Variants in EFR3A observed in about 807,000 individuals in gnomAD.
The protein encoded by EFR3A is protein EFR3 homolog A.
A neutral mutation model predicts 104.4 loss-of-function variants in EFR3A; 76 were observed. The ratio of observed to expected loss-of-function variants is 0.73; its 90% CI spans 0.60 to 0.88. The LOEUF is 0.88. Ranked by LOEUF, EFR3A falls within the 40% of genes least tolerant of loss-of-function variation. The pLI is 0.00. For synonymous variants in EFR3A, 330 were observed against 330.0 expected (o/e 1.00, Z 0.00); for missense variants, 985 against 1,012.5 (o/e 0.97, Z 0.37).
At chr8:131,917,293 T>C (rs897696873) in intron 1 of EFR3A, among the ~76,000 whole-genome samples, 7 of 152,350 alleles carry the variant, frequency 4.6e-5, no homozygotes, top group African/African-American at 1.4e-4. Flanking sequence ...TTTCCCCTTA[T>C]ACAGCGAATA....
Position 131,976,085 on chromosome 8 carries a change from G to T in EFR3A, c.1218G>T (p.Met406Ile), listed in dbSNP as rs1820311403. ...YQRSEIMMFI[M>I]GKVPVFGTST... ...GGTCAGAAATCATGATGTTCATTAT[G>T]GGGAAAGTACCTGTCTTTGGAACAT... The change falls in exon 11 of 23, where the codon ATG becomes ATT. Residue 406 changes from methionine to isoleucine, a missense_variant. Physicochemically the swap from Met to Ile is conservative, Grantham distance 10. Coordinates refer to ENST00000254624, the MANE Select transcript of EFR3A (RefSeq NM_015137.6). 1.2e-6 allele frequency: 2 copies of T among 1,607,328 alleles called. No individual in the cohort carries two copies. Among genetic ancestry groups the T allele is most frequent in the Non-Finnish European group, 1.7e-6 (2 of 1,176,464 alleles).
At position 131,987,609 on chromosome 8, in the gene EFR3A, T is replaced by C; in HGVS notation, c.1972T>C (p.Leu658=). ...PKSLEKHEKD[L]YFLTNKIAES... ...ATCTTTAGAGAAGCATGAAAAAGAT[T>C]TGTACTTTCTGACCAACAAGATTGC... The change falls in exon 18 of 23, where the codon TTG becomes CTG. Residue 658 remains leucine (L), a synonymous_variant. Coordinates refer to ENST00000254624, the MANE Select transcript of EFR3A (RefSeq NM_015137.6). 1 of 1,597,610 alleles carries C rather than the reference T, an allele frequency of 6.3e-7. No homozygotes were observed. Among genetic ancestry groups the C allele is most frequent in the South Asian group, 1.1e-5 (1 of 88,378 alleles).
At chr8:131,988,713 C>A (rs532567011) in intron 18 of EFR3A, among the ~76,000 whole-genome samples, 4 of 152,002 alleles carry the variant, frequency 2.6e-5, no homozygotes, top group Admixed American at 2.6e-4. Flanking sequence ...AAGCAAAAAA[C>A]CTCTTAAACC....
At position 131,904,303 on chromosome 8, in the gene EFR3A, C is replaced by A; in HGVS notation, c.-10C>A. Reference sequence around the variant, plus strand: ...GCCTCGGTGCGGCGGCGAGCGCGGTCGAGATCGCCATGCCTACCCGTGAGT... The same window carrying A: ...GCCTCGGTGCGGCGGCGAGCGCGGTAGAGATCGCCATGCCTACCCGTGAGT... On this transcript the variant is annotated 5_prime_UTR_variant, in exon 1 of 23. Coordinates refer to ENST00000254624, the MANE Select transcript of EFR3A (RefSeq NM_015137.6). 7.9e-7 allele frequency: 1 copy of A among 1,265,752 alleles called. No homozygotes were observed. The highest frequency in any genetic ancestry group is 1.0e-6 in the Non-Finnish European group (1 of 1,004,814). The allele number at this position is 1,265,752 out of a possible 1,614,324, so 78.4% of individuals were successfully genotyped here.
chr8:131,969,378 G>A (rs1323445555), intron 9 of EFR3A, among the ~76,000 whole-genome samples: 2 of 151,980 alleles, frequency 1.3e-5, no homozygotes, highest in African/African-American at 4.8e-5. Flanking sequence ...CTCAAATTCT[G>A]TATATAAAAT....
intron 10 of EFR3A, among the ~76,000 whole-genome samples, chr8:131,975,394 CCTT>C (rs1216043566): frequency 1.3e-5 from 2 of 148,264 alleles, no homozygotes; most frequent in Non-Finnish European, 3.0e-5. Flanking sequence ...AAATATTTTT[CCTT>C]CTTTTTTTTT....
chr8:131,976,274 T>G (rs953815828), intron 11 of EFR3A, 133 bp downstream of exon 11: 10 of 644,414 alleles, frequency 1.6e-5, no homozygotes, highest in East Asian at 1.1e-4. Flanking sequence ...GCAGTTAGTA[T>G]TATTATGACA....
Position 131,984,166 on chromosome 8 carries a change from T to C in EFR3A, c.1603T>C (p.Tyr535His), listed in dbSNP as rs769623269. The change falls in exon 15 of 23, where the codon TAT becomes CAT. Residue 535 changes from tyrosine (Y) to histidine (H), a missense_variant. Physicochemically the swap from Tyr to His is moderately conservative, Grantham distance 83 (BLOSUM62 2). Coordinates refer to ENST00000254624, the MANE Select transcript of EFR3A (RefSeq NM_015137.6). Reference protein sequence around the residue: ...KNGQQLYRHIYLGCKEEDNVQ... With the variant: ...KNGQQLYRHIHLGCKEEDNVQ... ...TGGGCAACAGCTGTATCGGCACATA[T>C]ATTTGGGTTGTAAAGAGGAAGACAA... The C allele has an allele frequency of 2.5e-6, 4 of 1,611,748 alleles. No individual in the cohort carries two copies. The highest frequency in any genetic ancestry group is 3.4e-6 in the Non-Finnish European group (4 of 1,178,926).
At chr8:131,978,665 G>A (rs1378502027) in intron 12 of EFR3A, among the ~76,000 whole-genome samples, 182 bp from the exon 13 acceptor site, 1 of 152,058 alleles carries the variant, frequency 6.6e-6, no homozygotes, top group African/African-American at 2.4e-5. Flanking sequence ...TTTTTCTTAT[G>A]AATGATGTTT....
At chr8:131,997,868 G>A (rs1821576268) in intron 19 of EFR3A, among the ~76,000 whole-genome samples, 1 of 152,024 alleles carries the variant, frequency 6.6e-6, no homozygotes, top group Non-Finnish European at 1.5e-5. Context: ...ACTTGAAACT[G>A]TTGGAAAGAG....
intron 9 of EFR3A, 62 bp downstream of exon 9, chr8:131,968,492 T>C: frequency 6.8e-7 from 1 of 1,468,590 alleles, no homozygotes; most frequent in South Asian, 1.2e-5. Flanking sequence ...CCTTTCAGTA[T>C]GCATAGCAGT....
intron 1 of EFR3A, among the ~76,000 whole-genome samples, chr8:131,938,473 T>G (rs1818014205): frequency 6.6e-6 from 1 of 152,154 alleles, no homozygotes; most frequent in Admixed American, 6.6e-5. Flanking sequence ...CCTGAAATTG[T>G]AAATGAAAAA....
rs1820802203 is a variant in EFR3A, at chr8:131,984,954, A to T, written c.1763A>T (p.Asn588Ile). The stretch of plus-strand genomic sequence containing the variant: ...GACAGTGCAATTATCAATGAGGATA[A>T]TTTGCCAATGTTCCATCGTTGTGGA... ...LQDSAIINED[N>I]LPMFHRCGIM... The change falls in exon 16 of 23, where the codon AAT becomes ATT. Residue 588 changes from asparagine (N) to isoleucine (I), a missense_variant. Coordinates refer to ENST00000254624, the MANE Select transcript of EFR3A (RefSeq NM_015137.6). 6.2e-7 allele frequency: 1 copy of T among 1,613,402 alleles called. No individual in the cohort carries two copies. The highest frequency in any genetic ancestry group is 1.7e-5 in the Admixed American group (1 of 59,948).
At chr8:131,943,759 G>A (rs891480693) in intron 2 of EFR3A, among the ~76,000 whole-genome samples, 2 of 151,860 alleles carry the variant, frequency 1.3e-5, no homozygotes, top group Admixed American at 6.6e-5. Flanking sequence ...GCCCTGGAGG[G>A]GCTCAGTTAC....
intron 1 of EFR3A, among the ~76,000 whole-genome samples, chr8:131,920,170 T>C (rs1294756095): frequency 6.6e-6 from 1 of 152,158 alleles, no homozygotes; most frequent in Admixed American, 6.5e-5. Context: ...GCCGGAGTGC[T>C]TTGTTATTGT....
At chr8:131,920,046 G>T (rs1259759820) in intron 1 of EFR3A, among the ~76,000 whole-genome samples, 1 of 152,062 alleles carries the variant, frequency 6.6e-6, no homozygotes, top group Non-Finnish European at 1.5e-5. Flanking sequence ...AAATAAAAAG[G>T]GGCCTTAGCT....
intron 4 of EFR3A, among the ~76,000 whole-genome samples, chr8:131,947,666 AG>A (rs1818507614): frequency 6.6e-6 from 1 of 151,828 alleles, no homozygotes; most frequent in Admixed American, 6.6e-5. Context: ...TTCTTCTAAG[AG>A]TTTTACAGTT....
chr8:131,967,469 G>A (rs548034977), intron 8 of EFR3A, among the ~76,000 whole-genome samples: 1 of 151,748 alleles, frequency 6.6e-6, no homozygotes. Context: ...CAGGGAGATT[G>A]AGAGCCACAG....
chr8:131,913,937 G>T, intron 1 of EFR3A, among the ~76,000 whole-genome samples: 1 of 152,172 alleles, frequency 6.6e-6, no homozygotes, highest in East Asian at 1.9e-4. Context: ...TATTAACTTA[G>T]TTAAAAATAA....
Sources: allele counts gnomAD v4.1 joint callset (sites outside exome capture counted in the v4.1 genomes callset), GRCh38; gene constraint gnomAD v4.1.1; transcripts MANE v1.5; gene names NCBI Gene and HGNC (gene_info 2026-07-23, HGNC 2026-07-21).